Variants in CSMD1 observed in about 807,000 individuals in gnomAD.
The protein encoded by CSMD1 is CUB and Sushi multiple domains 1.
A neutral mutation model predicts 417.5 loss-of-function variants in CSMD1; 213 were observed. That is an observed-to-expected ratio of 0.51 (90% CI 0.46 to 0.57). The LOEUF is 0.57. Ranked by LOEUF, CSMD1 falls within the 20% of genes least tolerant of loss-of-function variation. The pLI, the probability that CSMD1 is intolerant of heterozygous loss-of-function variation, is 0.00. For synonymous variants in CSMD1, 2,862 were observed against 1,736.8 expected (o/e 1.65, Z -16.11); for missense variants, 6,923 against 4,529.7 (o/e 1.53, Z -15.17).
At chr8:3,310,200 G>A (rs915701533) in intron 23 of CSMD1, among the ~76,000 whole-genome samples, 1 of 152,182 alleles carries the variant, frequency 6.6e-6, no homozygotes, top group African/African-American at 2.4e-5. Context: ...ATAATGCCAA[G>A]AAGACAGGGC....
chr8:3,236,374 A>G (rs940468043), intron 26 of CSMD1, among the ~76,000 whole-genome samples: 2 of 152,212 alleles, frequency 1.3e-5, no homozygotes, highest in Non-Finnish European at 2.9e-5. Flanking sequence ...AGAATTATGA[A>G]ATAAAGATGA....
chr8:3,075,885 CAAAAAAAA>C (rs754691568), intron 49 of CSMD1, among the ~76,000 whole-genome samples: 4 of 106,986 alleles, frequency 3.7e-5, no homozygotes, highest in Non-Finnish European at 8.1e-5. Context: ...ACTAAAAATA[CAAAAAAAA>C]AAAAAAAATT....
intron 3 of CSMD1, among the ~76,000 whole-genome samples, chr8:4,280,686 G>A (rs1050790300): frequency 1.3e-5 from 2 of 152,136 alleles, no homozygotes; most frequent in Admixed American, 6.5e-5. Flanking sequence ...ACCTTGTCTA[G>A]ATGAGCACAG....
At chr8:3,951,398 G>A (rs1230562254) in intron 5 of CSMD1, among the ~76,000 whole-genome samples, 3 of 152,174 alleles carry the variant, frequency 2.0e-5, no homozygotes, top group Non-Finnish European at 4.4e-5. Flanking sequence ...AATGCAAAAG[G>A]CATTTGGGGC....
In CSMD1 at chr8:3,451,394, G is replaced by C. The variant is rs866736863; in HGVS notation, c.1561+17318C>G. On this transcript the variant is annotated intron_variant, in intron 12 of 69. Transcript: ENST00000635120. ...TTTAGACATGAAGTCCTTGCCCATG[G>C]CTATGTCCTGAATGGTATTGCCTAG... is the stretch of plus-strand genomic sequence containing the variant. 1.4e-4 allele frequency among the ~76,000 whole-genome samples: 22 copies of C among 152,126 alleles called. No individual in the cohort carries two copies. In the East Asian group the frequency reaches 1.5e-3, roughly 11 times the overall value.
intron 5 of CSMD1, among the ~76,000 whole-genome samples, chr8:3,881,540 G>C (rs545519692): frequency 2.0e-5 from 3 of 150,364 alleles, no homozygotes; most frequent in Middle Eastern, 6.8e-3. Context: ...AGGAGGCTGA[G>C]GTTGCATTGA....
At chr8:3,776,041 G>C (rs915938392) in intron 5 of CSMD1, among the ~76,000 whole-genome samples, 1 of 152,072 alleles carries the variant, frequency 6.6e-6, no homozygotes, top group Non-Finnish European at 1.5e-5. Context: ...CCATGTGCTG[G>C]AGCCACCTCA....
intron 3 of CSMD1, among the ~76,000 whole-genome samples, chr8:4,346,406 A>G (rs1438347730): frequency 2.6e-5 from 4 of 152,166 alleles, no homozygotes; most frequent in Non-Finnish European, 5.9e-5. Context: ...TTGAACAGTT[A>G]CATCAGGGAG....
At chr8:4,681,203 G>A (rs1806029611) in intron 1 of CSMD1, among the ~76,000 whole-genome samples, 1 of 152,124 alleles carries the variant, frequency 6.6e-6, no homozygotes, top group African/African-American at 2.4e-5. Flanking sequence ...TGCATTTTCT[G>A]TAGGAAATGA....
intron 1 of CSMD1, among the ~76,000 whole-genome samples, chr8:4,879,373 A>G (rs1663023614): frequency 6.6e-6 from 1 of 152,130 alleles, no homozygotes; most frequent in East Asian, 1.9e-4. Context: ...TTATGAATAA[A>G]TGGCATGAGT....
At chr8:4,201,014 A>C (rs1799614136) in intron 3 of CSMD1, among the ~76,000 whole-genome samples, 1 of 152,184 alleles carries the variant, frequency 6.6e-6, no homozygotes, top group East Asian at 1.9e-4. Context: ...ATCAGTGTGG[A>C]AGGCATCATG....
At chr8:3,433,233 T>A (rs866830482) in intron 12 of CSMD1, among the ~76,000 whole-genome samples, 4 of 152,208 alleles carry the variant, frequency 2.6e-5, no homozygotes, top group Admixed American at 2.0e-4. Context: ...CATAGAGATG[T>A]AGTTACTTTT....
At chr8:4,973,023 T>C (rs1214884014) in intron 1 of CSMD1, among the ~76,000 whole-genome samples, 4 of 152,168 alleles carry the variant, frequency 2.6e-5, no homozygotes, top group Non-Finnish European at 5.9e-5. Flanking sequence ...ATTTTATATA[T>C]TTTAAAAGAT....
chr8:4,079,664 G>A lies in CSMD1; in HGVS notation c.416-47565C>T, dbSNP rs183573094. Among the ~76,000 whole-genome samples, 10 of 152,312 alleles carry A rather than the reference G, an allele frequency of 6.6e-5. No homozygotes were observed. In the East Asian group the frequency reaches 1.9e-3, roughly 29 times the overall value. ...ACAGACACATTGTTTCAGCGTTCTT[G>A]TGGGTTCACATTAATTTATTCCTGT... On this transcript the variant is annotated intron_variant, in intron 3 of 69. Coordinates refer to ENST00000635120, the MANE Select transcript of CSMD1 (RefSeq NM_033225.6).
At chr8:3,421,653 T>C (rs1342423885) in intron 12 of CSMD1, among the ~76,000 whole-genome samples, 3 of 152,318 alleles carry the variant, frequency 2.0e-5, no homozygotes, top group South Asian at 4.1e-4. Context: ...TTTTCTTTTT[T>C]TTGAGACAGT....
At chr8:4,434,188 A>T (rs1798023572) in intron 2 of CSMD1, among the ~76,000 whole-genome samples, 1 of 152,080 alleles carries the variant, frequency 6.6e-6, no homozygotes, top group Non-Finnish European at 1.5e-5. Context: ...AAATACAGAA[A>T]TTATCCAGGC....
intron 1 of CSMD1, among the ~76,000 whole-genome samples, chr8:4,824,311 A>G (rs1434864056): frequency 1.3e-5 from 2 of 152,100 alleles, no homozygotes; most frequent in South Asian, 2.1e-4. Context: ...TTGAAATAAT[A>G]CTTTGTGTTA....
At chr8:2,956,776 G>C (rs1355682620) in intron 63 of CSMD1, among the ~76,000 whole-genome samples, 2 of 152,074 alleles carry the variant, frequency 1.3e-5, no homozygotes, top group African/African-American at 4.8e-5. Context: ...TTCTAAAATT[G>C]TGCATGCAGT....
chr8:4,531,634 C>A (rs1425846521), intron 2 of CSMD1, among the ~76,000 whole-genome samples: 1 of 152,094 alleles, frequency 6.6e-6, no homozygotes, highest in Non-Finnish European at 1.5e-5. Flanking sequence ...TCATGGTGCA[C>A]CATGGCCCCA....
Sources: allele counts gnomAD v4.1 joint callset (sites outside exome capture counted in the v4.1 genomes callset), GRCh38; gene constraint gnomAD v4.1.1; transcripts MANE v1.5; gene names NCBI Gene and HGNC (gene_info 2026-07-23, HGNC 2026-07-21).